FILIP1L: variants seen among roughly 807,000 people sequenced by gnomAD.
The protein encoded by FILIP1L is filamin A-interacting protein 1-like.
FILIP1L carries 55 observed loss-of-function variants against 96.6 expected under a neutral mutation model. The ratio of observed to expected loss-of-function variants is 0.57; its 90% confidence interval spans 0.46 to 0.71. FILIP1L has a LOEUF of 0.71. Ranked by LOEUF, FILIP1L falls within the 30% of genes least tolerant of loss-of-function variation. FILIP1L has a pLI of 0.00. For synonymous variants in FILIP1L, 467 were observed against 473.9 expected, an observed-to-expected ratio of 0.99 and a Z score of 0.19; for missense variants, 1,304 against 1,321.2, an observed-to-expected ratio of 0.99 and a Z score of 0.20.
At chr3:99,994,542 A>G (rs949315167) in intron 1 of FILIP1L, among the ~76,000 whole-genome samples, 8 of 152,246 alleles carry the variant, frequency 5.3e-5, no homozygotes, top group Admixed American at 1.3e-4. Flanking sequence ...ATCTTCTCAG[A>G]ACACAATGGA....
At position 99,871,957 on chromosome 3, in the gene FILIP1L, GCTTATACTTAAGAA is replaced by G. The variant is rs1944809873; in HGVS notation, c.606-20901_606-20888del. On this transcript the variant is annotated intron_variant, in intron 4 of 5. Transcript: ENST00000477258. ...CTTCCTTATCCTTTGCTTTTTTATT[GCTTATACTTAAGAA>G]CTTTGAACCTTTCTACTTTCTTTTT... is the stretch of plus-strand genomic sequence containing the variant. Among the ~76,000 whole-genome samples the G allele has an allele frequency of 3.3e-5, 5 of 151,542 alleles. No individual in the cohort carries two copies. The South Asian group carries it at 1.0e-3, about 32-fold the overall frequency.
At chr3:100,045,775 A>G (rs2107303579) in intron 1 of FILIP1L, among the ~76,000 whole-genome samples, 1 of 152,266 alleles carries the variant, frequency 6.6e-6, no homozygotes, top group East Asian at 1.9e-4. Context: ...ATGTGGGGAA[A>G]CCACAGAAAG....
At chr3:100,041,873 C>G (rs1295922937) in intron 1 of FILIP1L, among the ~76,000 whole-genome samples, 2 of 152,090 alleles carry the variant, frequency 1.3e-5, no homozygotes, top group East Asian at 3.9e-4. Context: ...ATGCTGACCC[C>G]AACTACAATT....
At chr3:100,047,302 G>A (rs548324898) in intron 1 of FILIP1L, among the ~76,000 whole-genome samples, 2 of 152,160 alleles carry the variant, frequency 1.3e-5, no homozygotes, top group Non-Finnish European at 2.9e-5. Flanking sequence ...TGAATTCCTT[G>A]AAGAAAAGGT....
intron 1 of FILIP1L, among the ~76,000 whole-genome samples, chr3:100,086,911 T>C (rs937068932): frequency 6.6e-6 from 1 of 152,182 alleles, no homozygotes; most frequent in Non-Finnish European, 1.5e-5. Context: ...TTTTTTCTGT[T>C]CCTCTAATTT....
Position 99,977,933 on chromosome 3 carries a change from A to G in FILIP1L, c.-10-46903T>C, listed in dbSNP as rs1022217463. 2.0e-5 allele frequency among the ~76,000 whole-genome samples: 3 copies of G among 152,202 alleles called. No individual in the cohort carries two copies. The South Asian group carries it at 6.2e-4, about 32-fold the overall frequency. On this transcript the variant is annotated intron_variant, in intron 1 of 5. Coordinates refer to ENST00000477258, the MANE Select transcript of FILIP1L (RefSeq NM_001387850.1). ...TTAACCTAAAAGAAAAAATTGCAGG[A>G]AAAATAGAAACAGGCCAAAATTTCC...
At chr3:99,889,683 C>A (rs1706022883) in intron 4 of FILIP1L, among the ~76,000 whole-genome samples, 1 of 151,840 alleles carries the variant, frequency 6.6e-6, no homozygotes, top group African/African-American at 2.4e-5. Context: ...TATTTCCTCT[C>A]TCTCTCTACC....
At chr3:99,989,797 TAGAA>T (rs899769384) in intron 1 of FILIP1L, among the ~76,000 whole-genome samples, 1 of 152,062 alleles carries the variant, frequency 6.6e-6, no homozygotes, top group African/African-American at 2.4e-5. Context: ...ATTGATTTGA[TAGAA>T]AGGAAAATGG....
At chr3:100,075,713 A>G (rs2065839239) in intron 1 of FILIP1L, 1 of 152,236 alleles carries the variant, frequency 6.6e-6, no homozygotes, top group Admixed American at 6.5e-5. Context: ...ATAACTAATT[A>G]TAAAGGCAAT....
At chr3:100,083,330 C>G (rs2065959872) in intron 1 of FILIP1L, among the ~76,000 whole-genome samples, 1 of 152,184 alleles carries the variant, frequency 6.6e-6, no homozygotes, top group Non-Finnish European at 1.5e-5. Flanking sequence ...ATAAGTAGCC[C>G]TTAACGTATG....
chr3:100,076,482 C>G (rs892189015), intron 1 of FILIP1L, among the ~76,000 whole-genome samples: 1 of 152,188 alleles, frequency 6.6e-6, no homozygotes, highest in African/African-American at 2.4e-5. Flanking sequence ...TTATGCTTTG[C>G]TATTTCTGTT....
chr3:100,026,955 C>T (rs773901406), intron 1 of FILIP1L, among the ~76,000 whole-genome samples: 2 of 152,176 alleles, frequency 1.3e-5, no homozygotes, highest in Non-Finnish European at 2.9e-5. Flanking sequence ...TCTGCAGCTA[C>T]ATTGGCCTCC....
chr3:99,988,485 C>G (rs1709417004), intron 1 of FILIP1L, among the ~76,000 whole-genome samples: 1 of 127,964 alleles, frequency 7.8e-6, no homozygotes, highest in Admixed American at 9.5e-5. Flanking sequence ...GCACTCCAGC[C>G]TGGGCGACAG....
chr3:99,929,885 C>G lies in FILIP1L; in HGVS notation c.397G>C (p.Glu133Gln). Residue 133 changes from glutamate (E) to glutamine (Q), a missense_variant, in exon 3 of 6, where the codon GAG becomes CAG. Transcript: ENST00000477258. ...AFQAKSTPWQ[E>Q]DIYEKPMNEL... ...TTCATTGGTTTCTCATAGATGTCCT[C>G]CTGCCAAGGGGTAGATTTCGCTTGA... 1 of 1,613,538 alleles carries G rather than the reference C, an allele frequency of 6.2e-7. No individual in the cohort carries two copies. Among genetic ancestry groups the G allele is most frequent in the Non-Finnish European group, 8.5e-7 (1 of 1,179,772 alleles).
At chr3:99,918,673 G>A (rs1707031353) in intron 4 of FILIP1L, among the ~76,000 whole-genome samples, 1 of 152,088 alleles carries the variant, frequency 6.6e-6, no homozygotes, top group Non-Finnish European at 1.5e-5. Context: ...CATGATGGAC[G>A]GTCCTAAATG....
chr3:100,030,644 C>T (rs1172276493), intron 1 of FILIP1L, among the ~76,000 whole-genome samples: 1 of 152,144 alleles, frequency 6.6e-6, no homozygotes, highest in Admixed American at 6.6e-5. Flanking sequence ...CATGAGTAAT[C>T]ATTGTCCCCA....
intron 1 of FILIP1L, among the ~76,000 whole-genome samples, chr3:100,060,959 AC>A (rs1415788268): frequency 6.6e-6 from 1 of 152,176 alleles, no homozygotes; most frequent in East Asian, 1.9e-4. Context: ...AAGTTGCAGA[AC>A]CACATCCTCA....
intron 4 of FILIP1L, among the ~76,000 whole-genome samples, chr3:99,869,949 C>A (rs972938172): frequency 6.6e-6 from 1 of 152,202 alleles, no homozygotes; most frequent in Admixed American, 6.5e-5. Flanking sequence ...GGAGCTCTCA[C>A]AGGCCCAAGT....
chr3:99,879,518 G>A (rs923669564), intron 4 of FILIP1L, among the ~76,000 whole-genome samples: 1 of 152,080 alleles, frequency 6.6e-6, no homozygotes, highest in African/African-American at 2.4e-5. Context: ...TTTCTTTCAT[G>A]TCTTCTCTCC....
Sources: gnomAD v4.1 joint callset for allele counts (sites outside exome capture counted in the v4.1 genomes callset) on GRCh38, gnomAD v4.1.1 for gene constraint, MANE v1.5 for transcripts, NCBI Gene and HGNC (gene_info 2026-07-23, HGNC 2026-07-21) for gene names.